THSD7A: variants seen among roughly 807,000 people sequenced by gnomAD.
THSD7A encodes thrombospondin type-1 domain-containing protein 7A.
THSD7A carries 96 observed loss-of-function variants against 231.3 expected under a neutral mutation model. That is an observed-to-expected ratio of 0.41 (90% confidence interval 0.35 to 0.49). The LOEUF (loss-of-function observed/expected upper bound fraction) is 0.49, where lower values mean the gene tolerates loss of function less well. THSD7A is among the 20% of genes least tolerant of loss of function. The pLI is 0.05. For missense variants in THSD7A, 2,290 were observed against 2,070.2 expected, an observed-to-expected ratio of 1.11 and a Z score of -2.06; for synonymous variants, 940 against 743.3, an observed-to-expected ratio of 1.26 and a Z score of -4.30.
At chr7:11,642,075 G>T (rs1782104636) in intron 1 of THSD7A, among the ~76,000 whole-genome samples, 1 of 152,100 alleles carries the variant, frequency 6.6e-6, no homozygotes, top group African/African-American at 2.4e-5. Context: ...ATGTTTCAAG[G>T]GGTGCAAATG....
At chr7:11,595,921 C>T (rs1487114157) in intron 2 of THSD7A, among the ~76,000 whole-genome samples, 2 of 152,206 alleles carry the variant, frequency 1.3e-5, no homozygotes, top group African/African-American at 4.8e-5. Flanking sequence ...TCATGTAGAG[C>T]TCTGGCATTG....
intron 6 of THSD7A, among the ~76,000 whole-genome samples, chr7:11,498,150 A>C (rs902001113): frequency 5.9e-5 from 9 of 152,158 alleles, no homozygotes; most frequent in African/African-American, 2.2e-4. Context: ...AAGAGGCTGA[A>C]GCCATGGGGC....
At chr7:11,424,191 T>A (rs1784242506) in intron 16 of THSD7A, among the ~76,000 whole-genome samples, 1 of 152,168 alleles carries the variant, frequency 6.6e-6, no homozygotes, top group South Asian at 2.1e-4. Flanking sequence ...AAACTTAATT[T>A]TTTTTAATTT....
intron 11 of THSD7A, among the ~76,000 whole-genome samples, chr7:11,449,931 G>A (rs78580109): frequency 0.013 from 1,999 of 152,104 alleles, 23 homozygotes; most frequent in Non-Finnish European, 0.022. Context: ...TATGAGAATC[G>A]TAAGCTGTGA....
chr7:11,575,211 C>T (rs1283122572), intron 4 of THSD7A, among the ~76,000 whole-genome samples: 1 of 152,134 alleles, frequency 6.6e-6, no homozygotes, highest in East Asian at 1.9e-4. Context: ...GATCTATAGA[C>T]AGAAACTTGG....
In THSD7A at chr7:11,636,622, A is replaced by C; in HGVS notation, c.530T>G (p.Phe177Cys). Reference sequence around the variant, plus strand: ...CTGCTCCAGGAGAGGCTTGGGCTCAAAGTACTCACAGATGATATCCTCCGC... The same window carrying C: ...CTGCTCCAGGAGAGGCTTGGGCTCACAGTACTCACAGATGATATCCTCCGC... ...IPAEDIICEY[F>C]EPKPLLEQAC... is the part of the protein sequence containing the mutation. Residue 177 changes from phenylalanine to cysteine, a missense_variant, in exon 2 of 28, where the codon TTT becomes TGT. Transcript: ENST00000423059. The surrounding 1 kb of genome is among the most constrained non-coding windows in gnomAD (Gnocchi z 10.0). 1 of 1,613,998 alleles carries C rather than the reference A, an allele frequency of 6.2e-7. No homozygotes were observed. Among genetic ancestry groups the C allele is most frequent in the African/African-American group, 1.3e-5 (1 of 75,044 alleles).
chr7:11,717,631 A>G (rs1215232698), intron 1 of THSD7A, among the ~76,000 whole-genome samples: 1 of 151,630 alleles, frequency 6.6e-6, no homozygotes, highest in Non-Finnish European at 1.5e-5. Context: ...ATCCACTACT[A>G]GGAGAATATA....
chr7:11,510,745 C>T (rs1460313759), intron 6 of THSD7A, among the ~76,000 whole-genome samples: 1 of 152,134 alleles, frequency 6.6e-6, no homozygotes, highest in Non-Finnish European at 1.5e-5. Context: ...TAAAAACTCT[C>T]AACAAACTAG....
chr7:11,694,238 T>C (rs1780320387), intron 1 of THSD7A, among the ~76,000 whole-genome samples: 3 of 151,494 alleles, frequency 2.0e-5, no homozygotes, highest in Admixed American at 2.0e-4. Flanking sequence ...TGGAATGTCA[T>C]TTCAAATAAT....
At chr7:11,791,207 G>C (rs59480615) in intron 1 of THSD7A, among the ~76,000 whole-genome samples, 4,271 of 152,028 alleles carry the variant, frequency 0.028, 104 homozygotes, top group East Asian at 0.15. Context: ...AACGTAATTT[G>C]AGATTACAGT....
intron 19 of THSD7A, among the ~76,000 whole-genome samples, chr7:11,409,626 T>C (rs1783711692): frequency 6.6e-6 from 1 of 152,208 alleles, no homozygotes; most frequent in African/African-American, 2.4e-5. Flanking sequence ...TTATTTTATA[T>C]TTCATTCCGA....
At chr7:11,719,889 A>G (rs1371618665) in intron 1 of THSD7A, among the ~76,000 whole-genome samples, 1 of 151,780 alleles carries the variant, frequency 6.6e-6, no homozygotes, top group Non-Finnish European at 1.5e-5. Context: ...ATAAATATTT[A>G]TTGAATGAAA....
chr7:11,677,035 C>A (rs553501693), intron 1 of THSD7A, among the ~76,000 whole-genome samples: 1 of 152,250 alleles, frequency 6.6e-6, no homozygotes, highest in East Asian at 1.9e-4. Context: ...GGGTTACCCA[C>A]AAAAGGAAGC....
At chr7:11,687,598 G>C (rs1780098516) in intron 1 of THSD7A, among the ~76,000 whole-genome samples, 1 of 151,986 alleles carries the variant, frequency 6.6e-6, no homozygotes, top group Middle Eastern at 3.4e-3. Context: ...ATTCAGAAGA[G>C]TTATTAGGCT....
At chr7:11,437,689 T>G (rs1784678178) in intron 13 of THSD7A, among the ~76,000 whole-genome samples, 1 of 152,112 alleles carries the variant, frequency 6.6e-6, no homozygotes, top group African/African-American at 2.4e-5. Flanking sequence ...TATTGCTTTT[T>G]CTGCCTGGTT....
chr7:11,579,146 G>C (rs1791048664), intron 4 of THSD7A, among the ~76,000 whole-genome samples: 1 of 152,134 alleles, frequency 6.6e-6, no homozygotes, highest in Non-Finnish European at 1.5e-5. Context: ...TGTTGTTACA[G>C]TTTTCTTTTC....
At chr7:11,455,821 C>G (rs111509339) in intron 11 of THSD7A, among the ~76,000 whole-genome samples, 137 of 152,056 alleles carry the variant, frequency 9.0e-4, no homozygotes, top group African/African-American at 3.0e-3. Context: ...CATAAGTAAA[C>G]AGTTTACAAT....
intron 11 of THSD7A, among the ~76,000 whole-genome samples, chr7:11,451,774 T>A (rs1362340674): frequency 6.6e-6 from 1 of 152,038 alleles, no homozygotes; most frequent in Non-Finnish European, 1.5e-5. Context: ...AGGCTACTGA[T>A]GCAGCTCTGA....
At position 11,625,190 on chromosome 7, in the gene THSD7A, G is replaced by A. The variant is rs180895088; in HGVS notation, c.1022+10940C>T. On this transcript the variant is annotated intron_variant, in intron 2 of 27. Transcript: ENST00000423059. ...ATTTATGTAGGTTAGTTTGTGATCT[G>A]TTATATGTAGTCTTTTGAAATCTTA... Among the ~76,000 whole-genome samples, 30 of 152,140 alleles carry A rather than the reference G, an allele frequency of 2.0e-4. No homozygotes were observed. In the East Asian group the frequency reaches 5.6e-3, roughly 28 times the overall value.
Sources: allele counts gnomAD v4.1 joint callset (sites outside exome capture counted in the v4.1 genomes callset), GRCh38; gene constraint gnomAD v4.1.1; non-coding constraint Gnocchi (gnomAD v3.1); transcripts MANE v1.5; gene names NCBI Gene and HGNC (gene_info 2026-07-23, HGNC 2026-07-21).